Variants in C10orf143 observed in about 807,000 individuals in gnomAD.
C10orf143 encodes the protein uncharacterized protein C10orf143.
chr10:130,101,858 A>AC (rs149725630), intron 1 of C10orf143, among the ~76,000 whole-genome samples: 21,932 of 61,172 alleles, frequency 0.36, 2,909 homozygotes, highest in Non-Finnish European at 0.41. Flanking sequence ...TCAAAAAAAA[A>AC]AAAAACCAAA....
At chr10:130,074,410 TCAGGA>T (rs1188136473) in intron 3 of C10orf143, among the ~76,000 whole-genome samples, 3 of 152,202 alleles carry the variant, frequency 2.0e-5, no homozygotes, top group Non-Finnish European at 4.4e-5. Flanking sequence ...TTTTCTTCTC[TCAGGA>T]CAGAAGAAGA....
chr10:130,082,454 A>G (rs593043), intron 1 of C10orf143, among the ~76,000 whole-genome samples: 121,464 of 152,078 alleles, frequency 0.8, 49,626 homozygotes, highest in Non-Finnish European at 0.89. Flanking sequence ...TAATTCCCAC[A>G]TGTTGTGGGA....
chr10:130,099,702 T>C (rs1199597227), intron 1 of C10orf143, among the ~76,000 whole-genome samples: 1 of 151,812 alleles, frequency 6.6e-6, no homozygotes, highest in Non-Finnish European at 1.5e-5. Flanking sequence ...CATTTTTGTA[T>C]TTTTTGGTGG....
intron 3 of C10orf143, among the ~76,000 whole-genome samples, chr10:130,054,139 A>G (rs1188012520): frequency 1.3e-5 from 2 of 152,214 alleles, no homozygotes; most frequent in African/African-American, 2.4e-5. Context: ...TGCATCTGCC[A>G]TAAGTGAAAT....
intron 1 of C10orf143, among the ~76,000 whole-genome samples, chr10:130,080,638 G>A (rs1458813909): frequency 6.6e-6 from 1 of 152,228 alleles, no homozygotes; most frequent in South Asian, 2.1e-4. Context: ...GCCAGCCCAA[G>A]AGGCCCCGCT....
At chr10:130,049,466 G>C (rs543761290) in intron 3 of C10orf143, among the ~76,000 whole-genome samples, 1 of 152,218 alleles carries the variant, frequency 6.6e-6, no homozygotes, top group African/African-American at 2.4e-5. Flanking sequence ...GCGGCAGACC[G>C]GGCAGCCCCT....
At chr10:130,085,994 A>C (rs547456196) in intron 1 of C10orf143, among the ~76,000 whole-genome samples, 1 of 152,280 alleles carries the variant, frequency 6.6e-6, no homozygotes, top group South Asian at 2.1e-4. Flanking sequence ...AAATATCCCT[A>C]GTCTCTCTCA....
At chr10:130,052,290 C>T (rs1860745837) in intron 3 of C10orf143, among the ~76,000 whole-genome samples, 5 of 152,230 alleles carry the variant, frequency 3.3e-5, no homozygotes, top group Admixed American at 3.3e-4. Flanking sequence ...AAGTGGGGGT[C>T]CATGTACCCC....
At chr10:130,042,040 T>G (rs11017064) in intron 3 of C10orf143, among the ~76,000 whole-genome samples, 21,487 of 152,116 alleles carry the variant, frequency 0.14, 1,597 homozygotes, top group East Asian at 0.25. Context: ...TACCCAAATA[T>G]GCACTTGTGT....
intron 3 of C10orf143, among the ~76,000 whole-genome samples, chr10:130,047,996 G>A (rs1321387606): frequency 1.3e-5 from 2 of 152,210 alleles, no homozygotes; most frequent in Non-Finnish European, 2.9e-5. Context: ...TGGTCCAAGT[G>A]TCTCCCCCTC....
chr10:130,068,890 C>T (rs1860985085), intron 3 of C10orf143, among the ~76,000 whole-genome samples: 1 of 151,978 alleles, frequency 6.6e-6, no homozygotes, highest in Non-Finnish European at 1.5e-5. Flanking sequence ...AACAGAGCTT[C>T]GAAGACACCT....
At chr10:130,082,379 G>A (rs1423821437) in intron 1 of C10orf143, among the ~76,000 whole-genome samples, 1 of 152,054 alleles carries the variant, frequency 6.6e-6, no homozygotes, top group Non-Finnish European at 1.5e-5. Flanking sequence ...ATTTAGATCT[G>A]CACCTCACAC....
rs1249450994 is a variant in C10orf143 at position 130,074,160 on chromosome 10, A to G, written c.297+5406T>C. ...GCAAACACACTGATCAGCCAAAAAG[A>G]GCAGAAAGCAGAGGGGGCTCCAAGC... On this transcript the variant is annotated intron_variant, in intron 3 of 3. Transcript: ENST00000637128. Among the ~76,000 whole-genome samples, 4 of 152,310 alleles carry G rather than the reference A, an allele frequency of 2.6e-5. No individual in the cohort carries two copies. In the East Asian group the frequency reaches 7.7e-4, roughly 29 times the overall value.
intron 3 of C10orf143, among the ~76,000 whole-genome samples, chr10:130,043,107 C>T (rs1336681123): frequency 6.6e-6 from 1 of 152,102 alleles, no homozygotes; most frequent in Non-Finnish European, 1.5e-5. Context: ...TTTTCCATAA[C>T]AATATGTTTT....
At chr10:130,071,053 C>T (rs966917139) in intron 3 of C10orf143, among the ~76,000 whole-genome samples, 1 of 152,104 alleles carries the variant, frequency 6.6e-6, no homozygotes, top group Non-Finnish European at 1.5e-5. Flanking sequence ...GTAGCTGGGA[C>T]TACAGGCATG....
intron 3 of C10orf143, among the ~76,000 whole-genome samples, chr10:130,048,109 G>A (rs1860697674): frequency 6.6e-6 from 1 of 152,198 alleles, no homozygotes; most frequent in South Asian, 2.1e-4. Context: ...TTGGTGCCCT[G>A]GAGCCCAGTA....
chr10:130,037,190 A>G (rs1207379817), intron 3 of C10orf143, among the ~76,000 whole-genome samples: 1 of 152,188 alleles, frequency 6.6e-6, no homozygotes, highest in Non-Finnish European at 1.5e-5. Context: ...GCCCTGTGGG[A>G]GGAGATGGGT....
chr10:130,055,210 G>A (rs942451426), intron 3 of C10orf143, among the ~76,000 whole-genome samples: 2 of 152,110 alleles, frequency 1.3e-5, no homozygotes, highest in African/African-American at 4.8e-5. Flanking sequence ...TGATTTCATG[G>A]ATATTACCCC....
chr10:130,082,495 G>A (rs2134773384), intron 1 of C10orf143, among the ~76,000 whole-genome samples: 1 of 151,960 alleles, frequency 6.6e-6, no homozygotes, highest in Non-Finnish European at 1.5e-5. Flanking sequence ...TGAATCATGG[G>A]GGCGGTTCCC....
Sources: gnomAD v4.1 joint callset for allele counts (sites outside exome capture counted in the v4.1 genomes callset) on GRCh38, gnomAD v4.1.1 for gene constraint, MANE v1.5 for transcripts, NCBI Gene and HGNC (gene_info 2026-07-23, HGNC 2026-07-21) for gene names.